The following CFAP299 variants were observed in gnomAD, a reference collection of about 807,000 sequenced individuals.
CFAP299 encodes the protein cilia- and flagella-associated protein 299.
Under a neutral mutation model 27.0 loss-of-function variants are expected in CFAP299, and 21 were observed. The ratio of observed to expected loss-of-function variants is 0.78; its 90% CI spans 0.55 to 1.12. The LOEUF (loss-of-function observed/expected upper bound fraction) is 1.12. Among genes scored for constraint, CFAP299 ranks in the 50% most tolerant of loss-of-function variants. The pLI, the probability that CFAP299 is intolerant of heterozygous loss-of-function variation, is 0.00. For missense variants in CFAP299, 310 were observed against 276.6 expected (o/e 1.12, Z -0.86); for synonymous variants, 104 against 98.1 (o/e 1.06, Z -0.36).
At chr4:80,903,502 A>C (rs745987858) in intron 4 of CFAP299, among the ~76,000 whole-genome samples, 7 of 152,048 alleles carry the variant, frequency 4.6e-5, no homozygotes, top group Non-Finnish European at 1.0e-4. Context: ...GAAAGGGAAA[A>C]AAACTATAAA....
chr4:80,884,815 T>G lies in CFAP299; in HGVS notation c.476+14680T>G, dbSNP rs529216407. On this transcript the variant is annotated intron_variant, in intron 4 of 5. Transcript: ENST00000358105. ...ACCCTGCATCATTCATCACCCCCAT[T>G]CACTGGAACACCAAATTTTAACAAG... Among the ~76,000 whole-genome samples the G allele has an allele frequency of 3.1e-4, 47 of 152,212 alleles. 1 individual carries two copies. Among genetic ancestry groups the G allele is most frequent in the African/African-American group, 1.1e-3 (45 of 41,542 alleles).
intron 3 of CFAP299, among the ~76,000 whole-genome samples, chr4:80,808,730 C>T (rs368839659): frequency 6.6e-6 from 1 of 152,088 alleles, no homozygotes; most frequent in Non-Finnish European, 1.5e-5. Flanking sequence ...GCATCTCTTA[C>T]ATGTGACACA....
intron 2 of CFAP299, among the ~76,000 whole-genome samples, chr4:80,418,342 C>CT (rs560106009): frequency 1.2e-3 from 188 of 151,764 alleles, no homozygotes; most frequent in African/African-American, 4.3e-3. Context: ...TAAAGAATTT[C>CT]TTTTTTTAAA....
chr4:80,794,869 A>G (rs772541159), intron 3 of CFAP299, among the ~76,000 whole-genome samples: 1 of 152,180 alleles, frequency 6.6e-6, no homozygotes, highest in South Asian at 2.1e-4. Context: ...ACCCCAAGGA[A>G]TGGTGCCATA....
rs560305463 is a variant in CFAP299 at position 80,506,726 on chromosome 4, T to G, written c.243-76367T>G. 6.4e-4 allele frequency among the ~76,000 whole-genome samples: 98 copies of G among 152,270 alleles called. 1 individual carries two copies. Among genetic ancestry groups the G allele is most frequent in the African/African-American group, 2.2e-3 (92 of 41,572 alleles). Reference sequence around the variant, plus strand: ...TCAGCTCCTAATCTCAGATAGCTAATTCTTTATCCCACTCTCATAAACTTC... The same window carrying G: ...TCAGCTCCTAATCTCAGATAGCTAAGTCTTTATCCCACTCTCATAAACTTC... On this transcript the variant is annotated intron_variant, in intron 2 of 5. Coordinates refer to ENST00000358105, the MANE Select transcript of CFAP299 (RefSeq NM_152770.3).
chr4:80,430,981 G>A (rs183184921), intron 2 of CFAP299, among the ~76,000 whole-genome samples: 12 of 152,188 alleles, frequency 7.9e-5, no homozygotes, highest in African/African-American at 2.9e-4. Context: ...ACATCCTTCA[G>A]GTTTGTTTCC....
chr4:80,527,704 T>G (rs1733260088), intron 2 of CFAP299, among the ~76,000 whole-genome samples: 1 of 152,150 alleles, frequency 6.6e-6, no homozygotes, highest in African/African-American at 2.4e-5. Flanking sequence ...ATTTATGTCT[T>G]TCTCTTTGCC....
chr4:80,656,627 G>A (rs1270335975), intron 3 of CFAP299, among the ~76,000 whole-genome samples: 1 of 152,112 alleles, frequency 6.6e-6, no homozygotes, highest in African/African-American at 2.4e-5. Context: ...GTCTATCACT[G>A]ATGGACATTT....
At chr4:80,651,645 A>G (rs1008725290) in intron 3 of CFAP299, among the ~76,000 whole-genome samples, 11 of 150,884 alleles carry the variant, frequency 7.3e-5, no homozygotes, top group African/African-American at 2.7e-4. Flanking sequence ...AATTACAGGA[A>G]TGAGCCACCG....
chr4:80,906,044 C>T (rs1308092091), intron 4 of CFAP299, among the ~76,000 whole-genome samples: 1 of 152,162 alleles, frequency 6.6e-6, no homozygotes, highest in African/African-American at 2.4e-5. Context: ...TAAGGCAAGG[C>T]CCTTCCACCT....
intron 2 of CFAP299, among the ~76,000 whole-genome samples, chr4:80,428,866 A>G (rs1727662672): frequency 2.0e-5 from 3 of 152,166 alleles, no homozygotes; most frequent in Admixed American, 6.5e-5. Context: ...AAATGAAAAC[A>G]TGAATAGAGG....
chr4:80,617,028 A>G (rs1300669075), intron 3 of CFAP299, among the ~76,000 whole-genome samples: 1 of 152,202 alleles, frequency 6.6e-6, no homozygotes, highest in African/African-American at 2.4e-5. Context: ...CAGCAATTCC[A>G]ACTCTTAAAA....
intron 2 of CFAP299, among the ~76,000 whole-genome samples, chr4:80,412,010 A>C (rs1456439118): frequency 6.6e-6 from 1 of 152,170 alleles, no homozygotes; most frequent in Admixed American, 6.5e-5. Flanking sequence ...CATCCAATGA[A>C]CTAGGGGCTT....
chr4:80,737,141 C>T (rs1252545331), intron 3 of CFAP299, among the ~76,000 whole-genome samples: 2 of 135,406 alleles, frequency 1.5e-5, no homozygotes, highest in African/African-American at 2.8e-5. Flanking sequence ...GGAAGGGGAA[C>T]ATCACACTCT....
At chr4:80,505,960 A>T (rs539602788) in intron 2 of CFAP299, among the ~76,000 whole-genome samples, 1 of 151,386 alleles carries the variant, frequency 6.6e-6, no homozygotes, top group Non-Finnish European at 1.5e-5. Context: ...ACACAGAGAG[A>T]CTCTGTTTCT....
intron 2 of CFAP299, among the ~76,000 whole-genome samples, chr4:80,491,335 G>C (rs1055793581): frequency 6.6e-5 from 10 of 151,978 alleles, no homozygotes; most frequent in Admixed American, 5.9e-4. Context: ...AATTCTGAAT[G>C]CCAGTTGATA....
intron 3 of CFAP299, among the ~76,000 whole-genome samples, chr4:80,839,684 T>A (rs901681177): frequency 1.3e-5 from 2 of 151,938 alleles, no homozygotes; most frequent in African/African-American, 4.8e-5. Flanking sequence ...TTCATGGTTA[T>A]CTCAAAGCCA....
chr4:80,553,898 G>T (rs1398018771), intron 2 of CFAP299, among the ~76,000 whole-genome samples: 2 of 152,030 alleles, frequency 1.3e-5, no homozygotes, highest in Non-Finnish European at 2.9e-5. Context: ...TTAGATCTTT[G>T]TCAGATGCAT....
At chr4:80,400,456 G>T (rs1458761841) in intron 2 of CFAP299, among the ~76,000 whole-genome samples, 1 of 152,058 alleles carries the variant, frequency 6.6e-6, no homozygotes. Context: ...AATCATGGGG[G>T]TTTGTTTTTC....
Sources: gnomAD v4.1 joint callset for allele counts (sites outside exome capture counted in the v4.1 genomes callset) on GRCh38, gnomAD v4.1.1 for gene constraint, MANE v1.5 for transcripts, NCBI Gene and HGNC (gene_info 2026-07-23, HGNC 2026-07-21) for gene names.